Variants in DNAH3 observed in about 807,000 individuals in gnomAD.
The protein encoded by DNAH3 is dynein axonemal heavy chain 3.
A neutral mutation model predicts 432.5 loss-of-function variants in DNAH3; 332 were observed. The ratio of observed to expected loss-of-function variants is 0.77; its 90% CI spans 0.70 to 0.84. The LOEUF (loss-of-function observed/expected upper bound fraction) is 0.84, where lower values mean the gene tolerates loss of function less well. Among genes scored for constraint, DNAH3 ranks in the 40% least tolerant of loss-of-function variants. The probability of loss-of-function intolerance (pLI) is 0.00; values close to 1 mark genes in which losing one functional copy is unlikely to be tolerated. For synonymous variants in DNAH3, 1,956 were observed against 1,900.2 expected (o/e 1.03, Z -0.76); for missense variants, 4,861 against 5,114.0 (o/e 0.95, Z 1.51).
chr16:21,011,102 G>A (rs1365735170), intron 41 of DNAH3, among the ~76,000 whole-genome samples: 4 of 152,038 alleles, frequency 2.6e-5, no homozygotes, highest in African/African-American at 9.7e-5. Flanking sequence ...TAGAAACTGA[G>A]TGGGAGCTGT....
chr16:20,958,166 A>G (rs910658973), intron 54 of DNAH3, among the ~76,000 whole-genome samples: 9 of 149,762 alleles, frequency 6.0e-5, no homozygotes, highest in African/African-American at 2.2e-4. Context: ...TCGACTTCTC[A>G]GGCTCAGGTG....
rs549145142 is a variant in DNAH3 at position 20,997,089 on chromosome 16, T to A, written c.6601+194A>T. 6.2e-5 allele frequency: 35 copies of A among 563,480 alleles called. No individual in the cohort carries two copies. The Middle Eastern group carries it at 1.5e-3, about 23-fold the overall frequency. The allele number at this position is 563,480 out of a possible 1,614,324, so 34.9% of individuals were successfully genotyped here. ...AGGGCCTAGCCAAACACTCCTCACA[T>A]CTTCTTGCCATCGTCCCCTTCTATT... On this transcript the variant is annotated intron_variant, in intron 44 of 61. Transcript: ENST00000261383.
At chr16:20,988,557 G>A (rs1044636207) in intron 44 of DNAH3, among the ~76,000 whole-genome samples, 2 of 152,188 alleles carry the variant, frequency 1.3e-5, no homozygotes, top group African/African-American at 4.8e-5. Context: ...TGGGACTACA[G>A]GCCTCCCAGA....
At chr16:20,955,042 G>A (rs778239678) in exon 55 of DNAH3, 1 of 1,608,996 alleles carries the variant, frequency 6.2e-7, no homozygotes, top group Non-Finnish European at 8.5e-7. Flanking sequence ...CTGATGGATA[G>A]CTGGTTAGCC....
chr16:21,111,571 C>G (rs746874618), intron 14 of DNAH3, 55 bp downstream of exon 14: 1 of 1,540,790 alleles, frequency 6.5e-7, no homozygotes, highest in African/African-American at 1.4e-5. Context: ...GTCACTTTTT[C>G]GTCTCCAGTT....
At chr16:21,146,086 G>C (rs551913866) in exon 2 of DNAH3, 1 of 1,608,778 alleles carries the variant, frequency 6.2e-7, no homozygotes, top group South Asian at 1.1e-5. Flanking sequence ...CACTTTTGGC[G>C]ATCTGTGGGA....
chr16:21,100,246 A>AT (rs2091802621), intron 16 of DNAH3, among the ~76,000 whole-genome samples: 1 of 151,916 alleles, frequency 6.6e-6, no homozygotes, highest in South Asian at 2.1e-4. Flanking sequence ...TAATTTTTGT[A>AT]TTTTTCATAG....
At chr16:20,991,500 G>A (rs1187932684) in intron 44 of DNAH3, among the ~76,000 whole-genome samples, 2 of 152,176 alleles carry the variant, frequency 1.3e-5, no homozygotes, top group African/African-American at 4.8e-5. Context: ...CTGACCTCAG[G>A]TGATTCACCC....
intron 47 of DNAH3, among the ~76,000 whole-genome samples, chr16:20,986,371 C>T (rs1455808986): frequency 2.0e-5 from 3 of 151,784 alleles, no homozygotes; most frequent in East Asian, 2.0e-4. Flanking sequence ...AACTGGGCAT[C>T]GTGGTGCACA....
At chr16:21,005,839 CTTTT>C (rs200954605) in intron 41 of DNAH3, among the ~76,000 whole-genome samples, 2 of 130,732 alleles carry the variant, frequency 1.5e-5, no homozygotes, top group Non-Finnish European at 3.3e-5. Context: ...TTGCTCTATT[CTTTT>C]TTTTTTTTTT....
chr16:21,126,319 A>G (rs984581373), intron 8 of DNAH3, among the ~76,000 whole-genome samples: 6 of 152,196 alleles, frequency 3.9e-5, no homozygotes, highest in Middle Eastern at 3.2e-3. Flanking sequence ...GTACTACTCT[A>G]GCAACCAGAG....
intron 50 of DNAH3, 100 bp downstream of exon 50, chr16:20,979,230 T>C (rs755391547): frequency 6.6e-6 from 7 of 1,054,256 alleles, no homozygotes; most frequent in Non-Finnish European, 1.0e-5. Flanking sequence ...CACATTCTGC[T>C]TGATCTGGTG....
At chr16:21,111,745 A>T (rs1359593261) in exon 14 of DNAH3, 1 of 1,613,960 alleles carries the variant, frequency 6.2e-7, no homozygotes, top group African/African-American at 1.3e-5. Context: ...ACATGGCTAA[A>T]GGCACGGTGA....
intron 16 of DNAH3, among the ~76,000 whole-genome samples, chr16:21,100,155 T>C (rs1321679878): frequency 6.6e-6 from 1 of 152,146 alleles, no homozygotes; most frequent in East Asian, 1.9e-4. Context: ...CATTGTAACC[T>C]CTGCCTCCCA....
At chr16:21,097,535 G>C in intron 17 of DNAH3, 36 bp from the exon 18 acceptor site, 1 of 1,608,474 alleles carries the variant, frequency 6.2e-7, no homozygotes, top group Non-Finnish European at 8.5e-7. Context: ...TATGGGATGG[G>C]TTGTTCTCCT....
At chr16:21,144,702 G>A (rs1434847347) in intron 3 of DNAH3, among the ~76,000 whole-genome samples, 1 of 152,156 alleles carries the variant, frequency 6.6e-6, no homozygotes, top group East Asian at 1.9e-4. Flanking sequence ...TATGTAAATG[G>A]TCTATAAATG....
At chr16:21,087,085 G>C (rs768134466) in intron 18 of DNAH3, 25 bp from the exon 19 acceptor site, 27 of 1,583,238 alleles carry the variant, frequency 1.7e-5, no homozygotes, top group Non-Finnish European at 2.3e-5. Context: ...TGAGGGAAAG[G>C]TCAGACCATC....
chr16:21,139,073 A>T (rs968685020), intron 5 of DNAH3, among the ~76,000 whole-genome samples: 1 of 152,122 alleles, frequency 6.6e-6, no homozygotes, highest in East Asian at 1.9e-4. Context: ...TAAACCCACA[A>T]GACATTTGCT....
At chr16:21,064,874 T>C (rs1243006104) in intron 24 of DNAH3, among the ~76,000 whole-genome samples, 2 of 149,158 alleles carry the variant, frequency 1.3e-5, no homozygotes, top group African/African-American at 5.1e-5. Flanking sequence ...TGTGTGTGTG[T>C]GTGTGTGTGT....
Sources: allele counts gnomAD v4.1 joint callset (sites outside exome capture counted in the v4.1 genomes callset), GRCh38; gene constraint gnomAD v4.1.1; transcripts MANE v1.5; gene names NCBI Gene and HGNC (gene_info 2026-07-23, HGNC 2026-07-21).